AUTS2: variants seen among roughly 807,000 people sequenced by gnomAD.
The protein encoded by AUTS2 is autism susceptibility gene 2 protein.
Under a neutral mutation model 112.4 loss-of-function variants are expected in AUTS2, and 17 were observed. The observed-to-expected ratio is 0.15, with a 90% CI of 0.10 to 0.23. AUTS2 has a LOEUF of 0.23. AUTS2 is among the 10% of genes least tolerant of loss of function. The probability of loss-of-function intolerance (pLI) is 1.00; values close to 1 mark genes in which losing one functional copy is unlikely to be tolerated. For synonymous variants in AUTS2, 751 were observed against 702.7 expected (o/e 1.07, Z -1.09); for missense variants, 1,510 against 1,701.6 (o/e 0.89, Z 1.98).
At chr7:69,644,103 T>G (rs1794916745) in intron 1 of AUTS2, among the ~76,000 whole-genome samples, 1 of 152,178 alleles carries the variant, frequency 6.6e-6, no homozygotes. Flanking sequence ...GAAAATCAGG[T>G]TCGCCTGTTT....
chr7:70,587,279 G>A (rs763161232), intron 5 of AUTS2, among the ~76,000 whole-genome samples: 2 of 152,108 alleles, frequency 1.3e-5, no homozygotes, highest in African/African-American at 2.4e-5. Context: ...GTCTCACTCT[G>A]CTGCTCAGGC....
intron 6 of AUTS2, among the ~76,000 whole-genome samples, chr7:70,732,469 A>G (rs1432265301): frequency 6.6e-6 from 1 of 152,188 alleles, no homozygotes; most frequent in African/African-American, 2.4e-5. Flanking sequence ...TGACCTGCAG[A>G]CATCACAGGG....
intron 4 of AUTS2, among the ~76,000 whole-genome samples, chr7:70,311,993 C>T (rs539198771): frequency 8.5e-5 from 13 of 152,284 alleles, no homozygotes; most frequent in Admixed American, 3.9e-4. Context: ...AGATTATAGG[C>T]ATGAGCCACC....
chr7:70,538,691 T>C (rs1295144938), intron 5 of AUTS2, among the ~76,000 whole-genome samples: 1 of 152,236 alleles, frequency 6.6e-6, no homozygotes. Flanking sequence ...GCATGGTTAA[T>C]GTGTGAAGTT....
chr7:70,344,829 T>A (rs1791422908), intron 4 of AUTS2, among the ~76,000 whole-genome samples: 1 of 152,194 alleles, frequency 6.6e-6, no homozygotes, highest in Non-Finnish European at 1.5e-5. Context: ...AACTCTGGGA[T>A]GTTTTCAGGA....
intron 6 of AUTS2, among the ~76,000 whole-genome samples, chr7:70,721,706 G>A (rs978894743): frequency 1.3e-5 from 2 of 152,164 alleles, no homozygotes; most frequent in Admixed American, 1.3e-4. Context: ...CTATTGGACC[G>A]TAGCTCACTT....
intron 1 of AUTS2, among the ~76,000 whole-genome samples, chr7:69,618,445 T>G (rs1793490988): frequency 6.6e-6 from 1 of 152,052 alleles, no homozygotes; most frequent in Admixed American, 6.6e-5. Context: ...GACTGGAGCG[T>G]TTTTCAAGAC....
intron 5 of AUTS2, among the ~76,000 whole-genome samples, chr7:70,599,443 C>A (rs1479599021): frequency 6.6e-6 from 1 of 152,304 alleles, no homozygotes; most frequent in East Asian, 1.9e-4. Flanking sequence ...GTCATCTAGG[C>A]CCTCACTACT....
At chr7:69,785,346 G>A (rs959934132) in intron 1 of AUTS2, among the ~76,000 whole-genome samples, 9 of 152,216 alleles carry the variant, frequency 5.9e-5, no homozygotes, top group Admixed American at 5.9e-4. Flanking sequence ...GATTGAGACA[G>A]TCTTATGTTG....
intron 2 of AUTS2, among the ~76,000 whole-genome samples, chr7:70,073,912 A>G (rs1802905819): frequency 6.6e-6 from 1 of 152,198 alleles, no homozygotes; most frequent in African/African-American, 2.4e-5. Flanking sequence ...AATATTCTAT[A>G]GCACTTTGAG....
intron 2 of AUTS2, among the ~76,000 whole-genome samples, chr7:69,959,152 C>G (rs1584493898): frequency 6.6e-6 from 1 of 152,262 alleles, no homozygotes; most frequent in Middle Eastern, 3.4e-3. Context: ...TTCATGGTCT[C>G]TACCCTGTCC....
At chr7:69,643,168 C>G (rs540929106) in intron 1 of AUTS2, 4 of 152,410 alleles carry the variant, frequency 2.6e-5, no homozygotes, top group East Asian at 3.9e-4. Flanking sequence ...GTGTGCTTCC[C>G]TAACATGGCT....
chr7:69,839,067 T>G (rs976926448), intron 1 of AUTS2, among the ~76,000 whole-genome samples: 3 of 152,194 alleles, frequency 2.0e-5, no homozygotes, highest in African/African-American at 7.2e-5. Flanking sequence ...ATTGTAGATT[T>G]GCAGGATTTC....
At chr7:69,893,269 T>C (rs1794602735) in intron 1 of AUTS2, among the ~76,000 whole-genome samples, 1 of 152,214 alleles carries the variant, frequency 6.6e-6, no homozygotes, top group Admixed American at 6.5e-5. Context: ...GCTCTGAAAA[T>C]CTGTTCATAA....
intron 1 of AUTS2, among the ~76,000 whole-genome samples, chr7:69,861,478 A>C (rs1286468456): frequency 1.3e-5 from 2 of 152,196 alleles, no homozygotes; most frequent in Non-Finnish European, 1.5e-5. Context: ...CATCTTGAGC[A>C]GTGCCCCACT....
At chr7:69,876,150 C>T (rs939256710) in intron 1 of AUTS2, among the ~76,000 whole-genome samples, 1 of 149,646 alleles carries the variant, frequency 6.7e-6, no homozygotes, top group Non-Finnish European at 1.5e-5. Flanking sequence ...GCAGTTCACG[C>T]GGTCAGGAGA....
chr7:69,698,700 G>A (rs971849220), intron 1 of AUTS2, among the ~76,000 whole-genome samples: 32 of 152,056 alleles, frequency 2.1e-4, no homozygotes, highest in African/African-American at 7.5e-4. Flanking sequence ...AGTCAATTTG[G>A]GTCAGCATCT....
At chr7:69,808,263 G>A (rs1790398309) in intron 1 of AUTS2, among the ~76,000 whole-genome samples, 1 of 152,128 alleles carries the variant, frequency 6.6e-6, no homozygotes, top group East Asian at 1.9e-4. Flanking sequence ...ATTAAATTGT[G>A]GACGTATTTT....
chr7:70,014,273 A>G (rs969654540), intron 2 of AUTS2, among the ~76,000 whole-genome samples: 23 of 152,228 alleles, frequency 1.5e-4, no homozygotes, highest in African/African-American at 5.5e-4. Context: ...TACACTTTAC[A>G]TCTAAGGAAG....
Sources: allele counts gnomAD v4.1 joint callset (sites outside exome capture counted in the v4.1 genomes callset), GRCh38; gene constraint gnomAD v4.1.1; transcripts MANE v1.5; gene names NCBI Gene and HGNC (gene_info 2026-07-23, HGNC 2026-07-21).